GFRAL: variants seen among roughly 807,000 people sequenced by gnomAD.
The protein encoded by GFRAL is GDNF family receptor alpha-like.
Under a neutral mutation model 45.4 loss-of-function variants are expected in GFRAL, and 36 were observed. That is an observed-to-expected ratio of 0.79 (90% CI 0.61 to 1.05). The LOEUF is 1.05. Ranked by LOEUF, GFRAL falls within the 50% of genes least tolerant of loss-of-function variation. The pLI, the probability that GFRAL is intolerant of heterozygous loss-of-function variation, is 0.00. For missense variants in GFRAL, 507 were observed against 467.5 expected (o/e 1.08, Z -0.78); for synonymous variants, 166 against 154.1 (o/e 1.08, Z -0.57).
chr6:55,398,435 C>G (rs1768854129), intron 6 of GFRAL, among the ~76,000 whole-genome samples: 1 of 152,102 alleles, frequency 6.6e-6, no homozygotes, highest in African/African-American at 2.4e-5. Flanking sequence ...TACAATTACT[C>G]AAAACTCGGA....
At chr6:55,383,943 A>G (rs138080344) in intron 6 of GFRAL, among the ~76,000 whole-genome samples, 4 of 152,076 alleles carry the variant, frequency 2.6e-5, no homozygotes, top group African/African-American at 9.7e-5. Flanking sequence ...TAAACATAGC[A>G]TACACTACTG....
At chr6:55,368,261 C>T (rs1476735663) in intron 6 of GFRAL, among the ~76,000 whole-genome samples, 31 of 151,522 alleles carry the variant, frequency 2.0e-4, no homozygotes, top group Admixed American at 1.3e-3. Flanking sequence ...GCATTCTTCA[C>T]GTAGTTCTCG....
At chr6:55,395,826 A>G (rs1340527856) in intron 6 of GFRAL, among the ~76,000 whole-genome samples, 1 of 151,806 alleles carries the variant, frequency 6.6e-6, no homozygotes. Context: ...TCACCTCTCC[A>G]TAGCTCATTT....
At chr6:55,354,154 ATCAAAGAAAATATT>A (rs1768156051) in intron 5 of GFRAL, among the ~76,000 whole-genome samples, 1 of 152,050 alleles carries the variant, frequency 6.6e-6, no homozygotes, top group Non-Finnish European at 1.5e-5. Context: ...GAGCATCCAC[ATCAAAGAAAATATT>A]TTAATAGCAA....
chr6:55,345,139 G>T (rs1044115111), intron 3 of GFRAL, among the ~76,000 whole-genome samples: 1 of 152,092 alleles, frequency 6.6e-6, no homozygotes, highest in Admixed American at 6.6e-5. Flanking sequence ...TAGATTCAAT[G>T]CCATCCCCAT....
rs1767858263 is a variant in GFRAL at position 55,333,720 on chromosome 6, T to G, written c.158-66T>G. On this transcript the variant is annotated intron_variant, in intron 2 of 8. Coordinates refer to ENST00000340465, the MANE Select transcript of GFRAL (RefSeq NM_207410.2). ...TTCAGGTTAATATGTTAAAAGTACT[T>G]TGGGGAGGAAGAATCCAAAATTATA... 10 of 1,011,660 alleles carry G rather than the reference T, an allele frequency of 9.9e-6. No homozygotes were observed. The South Asian group carries it at 2.8e-4, about 28-fold the overall frequency. 62.7% of individuals were successfully genotyped at this position (1,011,660 alleles called of 1,614,324 possible). A position where few individuals can be genotyped will look rare whatever the true frequency, so the allele number is the denominator to read the frequency against.
chr6:55,354,539 C>A (rs1768162839), intron 5 of GFRAL, among the ~76,000 whole-genome samples: 1 of 151,916 alleles, frequency 6.6e-6, no homozygotes, highest in African/African-American at 2.4e-5. Flanking sequence ...TGCAAATAGT[C>A]CCTTAATCAG....
chr6:55,368,652 CT>C (rs902875728), intron 6 of GFRAL, among the ~76,000 whole-genome samples: 2 of 152,032 alleles, frequency 1.3e-5, no homozygotes, highest in Non-Finnish European at 2.9e-5. Context: ...GTTAGTTTTC[CT>C]TCTAACAGAG....
At chr6:55,382,772 T>A (rs1052227386) in intron 6 of GFRAL, among the ~76,000 whole-genome samples, 4 of 151,944 alleles carry the variant, frequency 2.6e-5, no homozygotes, top group Non-Finnish European at 5.9e-5. Flanking sequence ...ACAAGTTACT[T>A]CTCTCACTTT....
At chr6:55,342,257 T>C (rs1767977707) in intron 3 of GFRAL, among the ~76,000 whole-genome samples, 1 of 152,130 alleles carries the variant, frequency 6.6e-6, no homozygotes, top group Non-Finnish European at 1.5e-5. Context: ...GGAAAAAATG[T>C]TAAGGGCAGC....
Position 55,327,530 on chromosome 6 carries a change from G to T in GFRAL, c.-25G>T. 1.2e-6 allele frequency: 2 copies of T among 1,611,498 alleles called. No individual in the cohort carries two copies. The highest frequency in any genetic ancestry group is 8.5e-7 in the Non-Finnish European group (1 of 1,178,626). On this transcript the variant is annotated 5_prime_UTR_variant, in exon 1 of 9. In the 5' UTR this introduces an upstream ATG that the reference lacks. Coordinates refer to ENST00000340465, the MANE Select transcript of GFRAL (RefSeq NM_207410.2). ...AGAAACGCATCTGCCTTTTTTTCCA[G>T]GTGAACTGCCGTGAGTTGTCCAGCA...
chr6:55,394,873 A>T (rs1024866739), intron 6 of GFRAL, among the ~76,000 whole-genome samples: 1 of 152,042 alleles, frequency 6.6e-6, no homozygotes, highest in Non-Finnish European at 1.5e-5. Flanking sequence ...ATGCTCACTA[A>T]ATACTTTTTG....
At chr6:55,373,576 C>G (rs150090388) in intron 6 of GFRAL, among the ~76,000 whole-genome samples, 1 of 152,264 alleles carries the variant, frequency 6.6e-6, no homozygotes, top group East Asian at 1.9e-4. Context: ...TTTCCTTCCT[C>G]ACCTCTGTGC....
intron 6 of GFRAL, among the ~76,000 whole-genome samples, chr6:55,371,291 C>T (rs1768446904): frequency 6.6e-6 from 1 of 152,172 alleles, no homozygotes; most frequent in Non-Finnish European, 1.5e-5. Flanking sequence ...TTGATTTCTA[C>T]ACATAAATTC....
chr6:55,351,625 C>T (rs772050808), intron 5 of GFRAL, 42 bp downstream of exon 5: 1 of 1,457,460 alleles, frequency 6.9e-7, no homozygotes, highest in Non-Finnish European at 9.4e-7. Context: ...ATTTCGGCAC[C>T]TTATTTGTTA....
rs537434019 is a variant in GFRAL, at chr6:55,387,547, G to A, written c.953-11633G>A. Among the ~76,000 whole-genome samples the A allele has an allele frequency of 3.3e-5, 5 of 152,200 alleles. No individual in the cohort carries two copies. The East Asian group carries it at 7.7e-4, about 24-fold the overall frequency. ...GTGGGCACTTAATAGTTACTGCCCTGGCACCTACATGCTGGGATATCATCT... is the reference window on the plus strand; with the variant it reads ...GTGGGCACTTAATAGTTACTGCCCTAGCACCTACATGCTGGGATATCATCT... On this transcript the variant is annotated intron_variant, in intron 6 of 8. Coordinates refer to ENST00000340465, the MANE Select transcript of GFRAL (RefSeq NM_207410.2).
intron 6 of GFRAL, among the ~76,000 whole-genome samples, chr6:55,395,378 A>C (rs1164660007): frequency 1.3e-5 from 2 of 151,844 alleles, no homozygotes; most frequent in Admixed American, 6.6e-5. Context: ...TGAAATTTAT[A>C]AATTATAGTA....
At chr6:55,364,405 G>A (rs1253423778) in intron 6 of GFRAL, among the ~76,000 whole-genome samples, 3 of 147,714 alleles carry the variant, frequency 2.0e-5, no homozygotes, top group Non-Finnish European at 4.5e-5. Flanking sequence ...TCACTCTGAT[G>A]GTAGTTTCTT....
intron 3 of GFRAL, among the ~76,000 whole-genome samples, chr6:55,339,643 T>G (rs890155859): frequency 2.6e-5 from 4 of 152,154 alleles, no homozygotes; most frequent in African/African-American, 9.6e-5. Flanking sequence ...TGAAGAAAAT[T>G]GTCAAAATTC....
Sources: gnomAD v4.1 joint callset for allele counts (sites outside exome capture counted in the v4.1 genomes callset) on GRCh38, gnomAD v4.1.1 for gene constraint, MANE v1.5 for transcripts, NCBI Gene and HGNC (gene_info 2026-07-23, HGNC 2026-07-21) for gene names.